PPP2R2C: variants seen among roughly 807,000 people sequenced by gnomAD.
The protein encoded by PPP2R2C is protein phosphatase 2 regulatory subunit Bgamma.
In PPP2R2C, 10 loss-of-function variants were observed where a neutral mutation model predicts 45.3. That is an observed-to-expected ratio of 0.22 (90% CI 0.14 to 0.37). The LOEUF is 0.37. Ranked by LOEUF, PPP2R2C falls within the 10% of genes least tolerant of loss-of-function variation. PPP2R2C has a pLI of 1.00. For missense variants in PPP2R2C, 308 were observed against 619.7 expected, an observed-to-expected ratio of 0.50 and a Z score of 5.34; for synonymous variants, 257 against 245.4, an observed-to-expected ratio of 1.05 and a Z score of -0.44.
intron 5 of PPP2R2C, among the ~76,000 whole-genome samples, chr4:6,362,981 T>C (rs187016713): frequency 3.0e-4 from 46 of 152,124 alleles, no homozygotes; most frequent in South Asian, 1.0e-3. Context: ...TACCACATAG[T>C]GTTGTTGGGA....
At chr4:6,491,264 C>T (rs1722691499) in intron 2 of PPP2R2C, among the ~76,000 whole-genome samples, 2 of 152,186 alleles carry the variant, frequency 1.3e-5, no homozygotes, top group South Asian at 2.1e-4. Flanking sequence ...TGGTCAGCCC[C>T]TCATCCTGCC....
intron 4 of PPP2R2C, 42 bp from the exon 5 acceptor site, chr4:6,372,742 G>A (rs777666404): frequency 5.0e-6 from 8 of 1,589,046 alleles, no homozygotes; most frequent in South Asian, 4.4e-5. Flanking sequence ...AAGGCCAGGT[G>A]GTGGCATCAG....
intron 1 of PPP2R2C, among the ~76,000 whole-genome samples, chr4:6,464,905 A>AAGGAAGGGAGGAAGGG (rs1318822777): frequency 1.4e-5 from 2 of 138,218 alleles, no homozygotes; most frequent in Admixed American, 1.4e-4. Flanking sequence ...AGAGAGAAGG[A>AAGGAAGGGAGGAAGGG]AGGAAGGGAG....
At chr4:6,393,928 A>T (rs551564766) in intron 1 of PPP2R2C, among the ~76,000 whole-genome samples, 63 of 152,186 alleles carry the variant, frequency 4.1e-4, no homozygotes, top group Non-Finnish European at 7.1e-4. Context: ...TCGGATCCCC[A>T]TGGACCTTCA....
rs572086430 is a variant in PPP2R2C at position 6,383,746 on chromosome 4, C to T, written c.71-2652G>A. ...CTGTAGGCTCTCTTCCTGGCCAGAA[C>T]GTAAACTTCATGAGGGCAGGAGCCT... is the stretch of plus-strand genomic sequence containing the variant. On this transcript the variant is annotated intron_variant, in intron 1 of 8. Transcript: ENST00000382599. 1.7e-3 allele frequency: 1,551 copies of T among 887,920 alleles called. 5 individuals carry two copies. Among genetic ancestry groups the T allele is most frequent in the South Asian group, 8.4e-3 (259 of 31,014 alleles). 55.0% of individuals were successfully genotyped at this position (887,920 alleles called of 1,614,324 possible).
chr4:6,418,386 A>C (rs1268379744), intron 1 of PPP2R2C, among the ~76,000 whole-genome samples: 1 of 152,180 alleles, frequency 6.6e-6, no homozygotes, highest in African/African-American at 2.4e-5. Flanking sequence ...GACACTCATC[A>C]AGGGCCACAC....
intron 1 of PPP2R2C, among the ~76,000 whole-genome samples, chr4:6,440,730 C>T (rs1387819221): frequency 6.6e-6 from 1 of 152,176 alleles, no homozygotes; most frequent in Non-Finnish European, 1.5e-5. Context: ...AGCTGATGGA[C>T]GCCGCCTGAG....
chr4:6,401,272 G>C (rs1046040920), intron 1 of PPP2R2C, among the ~76,000 whole-genome samples: 4 of 152,160 alleles, frequency 2.6e-5, no homozygotes, highest in Admixed American at 2.6e-4. Flanking sequence ...TAAGGAAGCA[G>C]TTTCGCCAAA....
chr4:6,453,668 GAACA>G (rs1351408484), intron 1 of PPP2R2C, among the ~76,000 whole-genome samples: 1 of 152,230 alleles, frequency 6.6e-6, no homozygotes, highest in Non-Finnish European at 1.5e-5. Flanking sequence ...CTGCAAGGCT[GAACA>G]AACAAGATGA....
intron 1 of PPP2R2C, among the ~76,000 whole-genome samples, chr4:6,405,200 T>C (rs1338937333): frequency 6.6e-6 from 1 of 152,126 alleles, no homozygotes; most frequent in African/African-American, 2.4e-5. Flanking sequence ...CTCCCCGTTT[T>C]ACAGATGAGG....
chr4:6,385,593 A>G (rs1165957959), intron 1 of PPP2R2C, among the ~76,000 whole-genome samples: 2 of 152,030 alleles, frequency 1.3e-5, no homozygotes, highest in Non-Finnish European at 2.9e-5. Context: ...TTTTTGAGAC[A>G]GAGTCTCACT....
intron 1 of PPP2R2C, among the ~76,000 whole-genome samples, chr4:6,445,112 C>T (rs1720351691): frequency 6.6e-6 from 1 of 152,042 alleles, no homozygotes; most frequent in Non-Finnish European, 1.5e-5. Context: ...CCGCTTGAGC[C>T]TGGGAGGCAG....
At chr4:6,347,227 T>C (rs1712051908) in intron 6 of PPP2R2C, among the ~76,000 whole-genome samples, 1 of 152,210 alleles carries the variant, frequency 6.6e-6, no homozygotes, top group African/African-American at 2.4e-5. Flanking sequence ...GGTAAAGCCC[T>C]TGGTAAGGGC....
At chr4:6,440,032 G>A (rs113937302) in intron 1 of PPP2R2C, among the ~76,000 whole-genome samples, 3,892 of 152,114 alleles carry the variant, frequency 0.026, 171 homozygotes, top group African/African-American at 0.088. Context: ...CACCTCCACC[G>A]TTCCCCATCC....
At chr4:6,354,823 C>A (rs913500651) in intron 5 of PPP2R2C, among the ~76,000 whole-genome samples, 1 of 152,052 alleles carries the variant, frequency 6.6e-6, no homozygotes, top group East Asian at 1.9e-4. Flanking sequence ...CCGCCCACAG[C>A]CCCCCACAGC....
intron 1 of PPP2R2C, among the ~76,000 whole-genome samples, chr4:6,463,609 CAACT>C (rs1721442242): frequency 1.3e-5 from 2 of 152,234 alleles, no homozygotes; most frequent in South Asian, 2.1e-4. Context: ...GGCCGGCTGG[CAACT>C]AACTAACTGC....
At chr4:6,510,988 A>T (rs1213292587) in intron 2 of PPP2R2C, among the ~76,000 whole-genome samples, 1 of 83,378 alleles carries the variant, frequency 1.2e-5, no homozygotes, top group African/African-American at 3.8e-5. Flanking sequence ...AACAAAAAAA[A>T]ACAAACAAAC....
Position 6,336,633 on chromosome 4 carries a change from TTCCCTCCCTCCCTCCC to T in PPP2R2C, c.791-2918_791-2903del, listed in dbSNP as rs1343697765. On this transcript the variant is annotated intron_variant, in intron 6 of 8. Transcript: ENST00000382599. Reference sequence around the variant, plus strand: ...GAGTGCTGCAGCCCTACTGACTTACTTCCCTCCCTCCCTCCCTCCCTCCCTCCCTCCCTGCTTCCAT... The same window carrying T: ...GAGTGCTGCAGCCCTACTGACTTACTTCCCTCCCTCCCTCCCTGCTTCCAT... Among the ~76,000 whole-genome samples the T allele has an allele frequency of 2.1e-4, 16 of 76,790 alleles. 2 individuals carry two copies. The highest frequency in any genetic ancestry group is 5.5e-4 in the Admixed American group (4 of 7,238). 50.4% of individuals were successfully genotyped at this position (76,790 alleles called of 152,430 possible).
At chr4:6,532,505 A>C (rs1014246657) in intron 2 of PPP2R2C, among the ~76,000 whole-genome samples, 12 of 152,216 alleles carry the variant, frequency 7.9e-5, no homozygotes, top group Admixed American at 2.6e-4. Flanking sequence ...CAGCATCTCC[A>C]GATCTAGCTG....
Sources: gnomAD v4.1 joint callset for allele counts (sites outside exome capture counted in the v4.1 genomes callset) on GRCh38, gnomAD v4.1.1 for gene constraint, MANE v1.5 for transcripts, NCBI Gene and HGNC (gene_info 2026-07-23, HGNC 2026-07-21) for gene names.